The following RXFP2 variants were observed in gnomAD, a reference collection of about 807,000 sequenced individuals.
RXFP2 encodes relaxin receptor 2.
Under a neutral mutation model 88.6 loss-of-function variants are expected in RXFP2, and 68 were observed. The ratio of observed to expected loss-of-function variants is 0.77; its 90% CI spans 0.63 to 0.94. The LOEUF is 0.94. RXFP2 is among the 40% of genes least tolerant of loss of function. The pLI, the probability that RXFP2 is intolerant of heterozygous loss-of-function variation, is 0.00. For missense variants in RXFP2, 791 were observed against 893.9 expected (o/e 0.88, Z 1.47); for synonymous variants, 329 against 306.8 (o/e 1.07, Z -0.76).
Position 31,750,901 on chromosome 13 carries a change from G to C in RXFP2, c.95-7357G>C, listed in dbSNP as rs141123252. ...AAATTTAATTGTGAAGGGGAGGAGAGTATATCTCAGTTTTACAGGCAGGCA... is the reference window on the plus strand; with the variant it reads ...AAATTTAATTGTGAAGGGGAGGAGACTATATCTCAGTTTTACAGGCAGGCA... On this transcript the variant is annotated intron_variant, in intron 1 of 17. Coordinates refer to ENST00000298386, the MANE Select transcript of RXFP2 (RefSeq NM_130806.5). Among the ~76,000 whole-genome samples the C allele has an allele frequency of 3.3e-3, 507 of 151,998 alleles. 5 individuals carry two copies. Among genetic ancestry groups the C allele is most frequent in the African/African-American group, 0.011 (462 of 41,466 alleles).
chr13:31,777,012 A>C (rs1873017703), intron 7 of RXFP2, among the ~76,000 whole-genome samples: 1 of 152,208 alleles, frequency 6.6e-6, no homozygotes, highest in South Asian at 2.1e-4. Context: ...TTCATCCTTC[A>C]GCTCAGCCAA....
chr13:31,779,917 C>A (rs1004776469), intron 9 of RXFP2, among the ~76,000 whole-genome samples: 1 of 152,074 alleles, frequency 6.6e-6, no homozygotes, highest in Non-Finnish European at 1.5e-5. Context: ...CGTAAGTGTG[C>A]CACTATTAAA....
At chr13:31,771,802 AAGAAAGAAAG>A (rs1314004616) in intron 5 of RXFP2, among the ~76,000 whole-genome samples, 3 of 110,930 alleles carry the variant, frequency 2.7e-5, no homozygotes, top group Non-Finnish European at 6.2e-5. Flanking sequence ...AAAAAAAAAA[AAGAAAGAAAG>A]AAAGAAAAAA....
At chr13:31,750,655 G>GT (rs1478230864) in intron 1 of RXFP2, among the ~76,000 whole-genome samples, 1 of 152,152 alleles carries the variant, frequency 6.6e-6, no homozygotes, top group Non-Finnish European at 1.5e-5. Flanking sequence ...AGGGAAAAAA[G>GT]TTTTTAACCT....
At chr13:31,766,802 G>A (rs978051495) in intron 5 of RXFP2, among the ~76,000 whole-genome samples, 1 of 152,252 alleles carries the variant, frequency 6.6e-6, no homozygotes, top group Non-Finnish European at 1.5e-5. Context: ...CTATAAGTGG[G>A]ATGGGATGCT....
intron 1 of RXFP2, among the ~76,000 whole-genome samples, chr13:31,752,563 CAA>C (rs1394126514): frequency 2.0e-5 from 3 of 152,098 alleles, no homozygotes; most frequent in African/African-American, 4.8e-5. Flanking sequence ...ACAACAACAA[CAA>C]CAACCACCAA....
At chr13:31,767,584 T>A (rs17076640) in intron 5 of RXFP2, among the ~76,000 whole-genome samples, 1,683 of 152,318 alleles carry the variant, frequency 0.011, 36 homozygotes, top group African/African-American at 0.038. Flanking sequence ...TTCACAGCAA[T>A]TGAAATTCTA....
At chr13:31,766,179 G>A in intron 5 of RXFP2, 152 bp downstream of exon 5, 1 of 594,298 alleles carries the variant, frequency 1.7e-6, no homozygotes, top group Non-Finnish European at 3.0e-6. Context: ...ACATTTGAAA[G>A]TATGTTATCT....
chr13:31,759,381 GAAA>G (rs1872152910), intron 2 of RXFP2, among the ~76,000 whole-genome samples: 4 of 122,464 alleles, frequency 3.3e-5, no homozygotes, highest in African/African-American at 1.2e-4. Context: ...GATTGAGAAA[GAAA>G]GAAAGAAAGA....
At chr13:31,777,258 G>A (rs1873032273) in intron 7 of RXFP2, 118 bp from the exon 8 acceptor site, 1 of 703,556 alleles carries the variant, frequency 1.4e-6, no homozygotes, top group Non-Finnish European at 2.6e-6. Context: ...TCTCAGGGAA[G>A]GGACAGGTGA....
chr13:31,763,435 A>G (rs1220822031), intron 3 of RXFP2, among the ~76,000 whole-genome samples: 2 of 152,132 alleles, frequency 1.3e-5, no homozygotes, highest in Non-Finnish European at 2.9e-5. Flanking sequence ...TGCTGCTGGC[A>G]TCTAGTGGGT....
chr13:31,799,730 T>C (rs972065540), intron 17 of RXFP2, among the ~76,000 whole-genome samples: 1 of 152,162 alleles, frequency 6.6e-6, no homozygotes, highest in Non-Finnish European at 1.5e-5. Context: ...TTAATCTTCT[T>C]TGAGGCTTTT....
Position 31,774,612 on chromosome 13 carries a change from C to G in RXFP2, c.498-8C>G. On this transcript the variant is annotated splice_polypyrimidine_tract_variant and splice_region_variant and intron_variant, in intron 5 of 17. Transcript: ENST00000298386. ...AATCACCTGACTCTCTTATCTTATTCCTACCAGATTTCTTCAGCATAATTG... is the reference window on the plus strand; with the variant it reads ...AATCACCTGACTCTCTTATCTTATTGCTACCAGATTTCTTCAGCATAATTG... 1 of 1,451,650 alleles carries G rather than the reference C, an allele frequency of 6.9e-7. No homozygotes were observed. Among genetic ancestry groups the G allele is most frequent in the Non-Finnish European group, 9.7e-7 (1 of 1,032,190 alleles). 89.9% of individuals were successfully genotyped at this position (1,451,650 alleles called of 1,614,324 possible).
intron 17 of RXFP2, among the ~76,000 whole-genome samples, chr13:31,797,807 C>T (rs1455002995): frequency 1.3e-5 from 2 of 152,194 alleles, no homozygotes; most frequent in African/African-American, 4.8e-5. Context: ...GATGCACACT[C>T]ATCTGGCTAG....
chr13:31,758,215 T>C, intron 1 of RXFP2, 43 bp from the exon 2 acceptor site: 1 of 1,611,910 alleles, frequency 6.2e-7, no homozygotes, highest in Non-Finnish European at 8.5e-7. Context: ...CGGAGAGAGC[T>C]TGGCCATGGT....
At chr13:31,773,707 C>T (rs950082115) in intron 5 of RXFP2, among the ~76,000 whole-genome samples, 4 of 152,112 alleles carry the variant, frequency 2.6e-5, no homozygotes, top group African/African-American at 9.7e-5. Context: ...AGGAAATAAT[C>T]ATGGTATAAC....
intron 1 of RXFP2, 127 bp from the exon 2 acceptor site, chr13:31,758,131 A>G (rs1432955299): frequency 5.4e-6 from 5 of 933,294 alleles, no homozygotes; most frequent in African/African-American, 3.3e-5. Flanking sequence ...TATTATTCAA[A>G]GAAACTGTGC....
chr13:31,786,777 A>C (rs1873565578), intron 13 of RXFP2, 140 bp downstream of exon 13: 2 of 597,692 alleles, frequency 3.3e-6, no homozygotes, highest in South Asian at 3.9e-5. Flanking sequence ...TCAAGTACAT[A>C]CTGAATGACA....
chr13:31,742,464 C>G (rs1871257225), intron 1 of RXFP2, among the ~76,000 whole-genome samples: 1 of 152,194 alleles, frequency 6.6e-6, no homozygotes, highest in Admixed American at 6.5e-5. Context: ...GGCCAGTCAT[C>G]CCGAAGACTG....
Sources: allele counts gnomAD v4.1 joint callset (sites outside exome capture counted in the v4.1 genomes callset), GRCh38; gene constraint gnomAD v4.1.1; transcripts MANE v1.5; gene names NCBI Gene and HGNC (gene_info 2026-07-23, HGNC 2026-07-21).